The following CDKAL1 variants were observed in gnomAD, a reference collection of about 807,000 sequenced individuals.
CDKAL1 encodes threonylcarbamoyladenosine tRNA methylthiotransferase.
CDKAL1 carries 32 observed loss-of-function variants against 68.2 expected under a neutral mutation model. The ratio of observed to expected loss-of-function variants is 0.47; its 90% CI spans 0.35 to 0.63. The LOEUF (loss-of-function observed/expected upper bound fraction) is 0.63. Among genes scored for constraint, CDKAL1 ranks in the 30% least tolerant of loss-of-function variants. The pLI, the probability that CDKAL1 is intolerant of heterozygous loss-of-function variation, is 0.00. For synonymous variants in CDKAL1, 234 were observed against 244.3 expected, an observed-to-expected ratio of 0.96 and a Z score of 0.39; for missense variants, 606 against 696.7, an observed-to-expected ratio of 0.87 and a Z score of 1.47.
chr6:20,944,347 C>T (rs1040014178), intron 9 of CDKAL1, among the ~76,000 whole-genome samples: 1 of 144,852 alleles, frequency 6.9e-6, no homozygotes, highest in Non-Finnish European at 1.5e-5. Context: ...AAGTGGAAGT[C>T]CTCACAGTAT....
intron 13 of CDKAL1, among the ~76,000 whole-genome samples, chr6:21,134,695 A>C (rs946795448): frequency 1.3e-5 from 2 of 152,142 alleles, no homozygotes; most frequent in Non-Finnish European, 2.9e-5. Context: ...CTTGAAAAGT[A>C]ATTGCAGTGA....
chr6:21,191,986 A>ATTTTT (rs1562104779), intron 13 of CDKAL1, among the ~76,000 whole-genome samples: 4 of 23,328 alleles, frequency 1.7e-4, no homozygotes, highest in Non-Finnish European at 3.8e-4. Context: ...TTTATAATTC[A>ATTTTT]TTTTTCTTTT....
chr6:20,904,539 C>G (rs963609181), intron 9 of CDKAL1, among the ~76,000 whole-genome samples: 1 of 152,022 alleles, frequency 6.6e-6, no homozygotes, highest in Non-Finnish European at 1.5e-5. Context: ...CCTGTAATCC[C>G]AGCACTTTGG....
At chr6:21,049,817 CTTTTT>C (rs58277582) in intron 11 of CDKAL1, among the ~76,000 whole-genome samples, 2 of 137,142 alleles carry the variant, frequency 1.5e-5, no homozygotes, top group Admixed American at 1.5e-4. Flanking sequence ...GTCTCTCATC[CTTTTT>C]TTTTTTTTTT....
chr6:20,553,124 T>C (rs1763897531), intron 4 of CDKAL1, among the ~76,000 whole-genome samples: 1 of 152,226 alleles, frequency 6.6e-6, no homozygotes, highest in Non-Finnish European at 1.5e-5. Flanking sequence ...GTCATAGATA[T>C]TTTTATCATT....
At chr6:20,672,086 G>A (rs11968264) in intron 5 of CDKAL1, among the ~76,000 whole-genome samples, 15,343 of 151,810 alleles carry the variant, frequency 0.1, 2,458 homozygotes, top group African/African-American at 0.34. Flanking sequence ...TTATATTATA[G>A]TTTGACATCT....
Position 20,839,873 on chromosome 6 carries a change from A to G in CDKAL1, c.639-6202A>G, listed in dbSNP as rs777241849. Among the ~76,000 whole-genome samples the G allele has an allele frequency of 6.6e-4, 101 of 152,178 alleles. 1 individual carries two copies. The highest frequency in any genetic ancestry group is 2.0e-4 in the Admixed American group (3 of 15,276). Reference sequence around the variant, plus strand: ...TGGTCTGTCCATTATGAAATCACCAAGAGATTTGTGTATTTATTGTTATTC... The same window carrying G: ...TGGTCTGTCCATTATGAAATCACCAGGAGATTTGTGTATTTATTGTTATTC... On this transcript the variant is annotated intron_variant, in intron 8 of 15. Transcript: ENST00000274695.
At chr6:21,067,542 G>A (rs1162567301) in intron 12 of CDKAL1, among the ~76,000 whole-genome samples, 1 of 152,144 alleles carries the variant, frequency 6.6e-6, no homozygotes, top group Non-Finnish European at 1.5e-5. Context: ...AACCTGGGAG[G>A]TGGAGCTTGC....
chr6:21,019,840 G>A (rs775781154), intron 11 of CDKAL1, among the ~76,000 whole-genome samples: 1 of 151,924 alleles, frequency 6.6e-6, no homozygotes, highest in Admixed American at 6.6e-5. Flanking sequence ...TGGCTATTTA[G>A]TTTACTTTTT....
intron 13 of CDKAL1, among the ~76,000 whole-genome samples, chr6:21,149,353 C>G (rs772500878): frequency 1.6e-4 from 25 of 151,996 alleles, no homozygotes; most frequent in Non-Finnish European, 3.2e-4. Context: ...GCCATGTTAG[C>G]CAGGCTGGTC....
At chr6:20,638,615 CT>C (rs66721753) in intron 4 of CDKAL1, among the ~76,000 whole-genome samples, 112,357 of 130,022 alleles carry the variant, frequency 0.86, 48,326 homozygotes, top group African/African-American at 0.94. Context: ...ATTAGAGATT[CT>C]TTTTTTTTTT....
At chr6:20,578,159 T>G (rs1764989857) in intron 4 of CDKAL1, among the ~76,000 whole-genome samples, 1 of 152,222 alleles carries the variant, frequency 6.6e-6, no homozygotes. Context: ...ACTGATGCAT[T>G]TGCTTTTTAA....
chr6:20,613,212 G>A (rs1766710440), intron 4 of CDKAL1, among the ~76,000 whole-genome samples: 1 of 129,542 alleles, frequency 7.7e-6, no homozygotes, highest in African/African-American at 2.9e-5. Context: ...ATATGATTTG[G>A]TTACCTTGTT....
chr6:21,207,852 T>C (rs373144056), intron 15 of CDKAL1, among the ~76,000 whole-genome samples: 1 of 152,200 alleles, frequency 6.6e-6, no homozygotes, highest in Non-Finnish European at 1.5e-5. Flanking sequence ...TCATTTCAAA[T>C]GTTGTATTCA....
intron 10 of CDKAL1, chr6:20,993,335 A>G (rs970623453): frequency 1.3e-5 from 2 of 151,708 alleles, no homozygotes; most frequent in East Asian, 1.9e-4. Context: ...TTTCTTTAGC[A>G]TTTAACTTAA....
intron 8 of CDKAL1, among the ~76,000 whole-genome samples, chr6:20,781,906 T>C (rs1775448678): frequency 6.6e-6 from 1 of 152,230 alleles, no homozygotes; most frequent in African/African-American, 2.4e-5. Flanking sequence ...GAAGGGCTTC[T>C]GTTTCTTAAA....
rs143790723 is a variant in CDKAL1 at position 20,539,112 on chromosome 6, T to C, written c.-6+3718T>C. On this transcript the variant is annotated intron_variant, in intron 2 of 15. Coordinates refer to ENST00000274695, the MANE Select transcript of CDKAL1 (RefSeq NM_017774.3). The surrounding 1 kb of genome is among the most constrained non-coding windows in gnomAD (Gnocchi z 4.3). ...TTTAGATAAGGTAGTAGGAAAGGCC[T>C]CTCCGAGGAGATGTTGTTTGAGTGA... Among the ~76,000 whole-genome samples, 76 of 152,286 alleles carry C rather than the reference T, an allele frequency of 5.0e-4. No homozygotes were observed. Among genetic ancestry groups the C allele is most frequent in the African/African-American group, 1.7e-3 (71 of 41,556 alleles).
At chr6:20,844,717 CA>C (rs768196684) in intron 8 of CDKAL1, among the ~76,000 whole-genome samples, 3 of 146,668 alleles carry the variant, frequency 2.0e-5, no homozygotes, top group Non-Finnish European at 3.0e-5. Flanking sequence ...AAAACAAAAA[CA>C]AAAAAAAGAA....
chr6:20,768,785 G>A (rs1025299455), intron 7 of CDKAL1, among the ~76,000 whole-genome samples: 1 of 152,046 alleles, frequency 6.6e-6, no homozygotes, highest in Non-Finnish European at 1.5e-5. Flanking sequence ...TTGGTTTGCC[G>A]AGAGAAAAAG....
Sources: allele counts gnomAD v4.1 joint callset (sites outside exome capture counted in the v4.1 genomes callset), GRCh38; gene constraint gnomAD v4.1.1; non-coding constraint Gnocchi (gnomAD v3.1); transcripts MANE v1.5; gene names NCBI Gene and HGNC (gene_info 2026-07-23, HGNC 2026-07-21).